Variants in TRPC4 observed in about 807,000 individuals in gnomAD.
TRPC4 encodes the protein short transient receptor potential channel 4.
A neutral mutation model predicts 99.4 loss-of-function variants in TRPC4; 49 were observed. The ratio of observed to expected loss-of-function variants is 0.49; its 90% CI spans 0.39 to 0.63. TRPC4 has a LOEUF of 0.63. Among genes scored for constraint, TRPC4 ranks in the 20% least tolerant of loss-of-function variants. The pLI is 0.00. For missense variants in TRPC4, 898 were observed against 1,152.9 expected (o/e 0.78, Z 3.20); for synonymous variants, 454 against 425.9 (o/e 1.07, Z -0.81).
chr13:37,812,256 T>A (rs1957721835), intron 1 of TRPC4, among the ~76,000 whole-genome samples: 1 of 149,812 alleles, frequency 6.7e-6, no homozygotes, highest in African/African-American at 2.5e-5. Context: ...TCAAGATTAT[T>A]TATAAAAATG....
rs375499267 is a variant in TRPC4, at chr13:37,692,288, G to A, written c.945C>T (p.Tyr315=). The A allele has an allele frequency of 1.2e-5, 20 of 1,613,956 alleles. No homozygotes were observed. The highest frequency in any genetic ancestry group is 5.5e-5 in the South Asian group (5 of 91,074). The change falls in exon 4 of 11, where the codon TAC becomes TAT. Residue 315 remains tyrosine (Y), a synonymous_variant. Transcript: ENST00000379705. ...NCQQLLASRW[Y]DEFPGWRRRH... is the part of the protein sequence containing the mutation. ...TTCTCCTCCAGCCTGGAAACTCATC[G>A]TACCAGCGAGATGCCAGCAGCTGTT...
intron 5 of TRPC4, among the ~76,000 whole-genome samples, chr13:37,668,810 C>T (rs1033652456): frequency 1.3e-5 from 2 of 152,096 alleles, no homozygotes; most frequent in Non-Finnish European, 2.9e-5. Context: ...TTAATGTGTG[C>T]TTTACATGGT....
At chr13:37,797,632 T>C (rs757112678) in intron 1 of TRPC4, among the ~76,000 whole-genome samples, 2 of 152,188 alleles carry the variant, frequency 1.3e-5, no homozygotes, top group Non-Finnish European at 2.9e-5. Flanking sequence ...AGTTTATTTC[T>C]ACACTGAACT....
At position 37,818,235 on chromosome 13, in the gene TRPC4, T is replaced by C. The variant is rs928406903; in HGVS notation, c.-27-34875A>G. 3.3e-5 allele frequency among the ~76,000 whole-genome samples: 5 copies of C among 151,680 alleles called. No homozygotes were observed. In the South Asian group the frequency reaches 6.2e-4, roughly 19 times the overall value. ...AACAGGCACTTTAAAAAAATGCAAA[T>C]CAAAATTACAATGAGATACCATCTC... On this transcript the variant is annotated intron_variant, in intron 1 of 10. Transcript: ENST00000379705.
chr13:37,687,410 A>T (rs879754128), intron 4 of TRPC4, among the ~76,000 whole-genome samples: 10 of 152,194 alleles, frequency 6.6e-5, no homozygotes, highest in Admixed American at 4.6e-4. Context: ...GTTTGTTACA[A>T]TCGGAGTTAG....
chr13:37,714,203 T>C (rs1363468367), intron 3 of TRPC4, among the ~76,000 whole-genome samples: 1 of 152,090 alleles, frequency 6.6e-6, no homozygotes, highest in Non-Finnish European at 1.5e-5. Flanking sequence ...CTTGGCTCAC[T>C]GCAACCTCTG....
At chr13:37,689,176 C>T (rs979535783) in intron 4 of TRPC4, among the ~76,000 whole-genome samples, 3 of 152,134 alleles carry the variant, frequency 2.0e-5, no homozygotes, top group African/African-American at 7.2e-5. Flanking sequence ...TACAGGGGGA[C>T]TTTAGATGTC....
At chr13:37,790,308 C>G (rs1957083505) in intron 1 of TRPC4, among the ~76,000 whole-genome samples, 1 of 152,024 alleles carries the variant, frequency 6.6e-6, no homozygotes, top group African/African-American at 2.4e-5. Flanking sequence ...CAGTGTCACA[C>G]TGGACATGTA....
chr13:37,744,301 G>C (rs1359972345), intron 3 of TRPC4, among the ~76,000 whole-genome samples: 3 of 152,004 alleles, frequency 2.0e-5, no homozygotes, highest in Non-Finnish European at 4.4e-5. Flanking sequence ...TTACCACTTT[G>C]AACATCTTTC....
chr13:37,864,154 A>G (rs1182264271), intron 1 of TRPC4, among the ~76,000 whole-genome samples: 1 of 151,630 alleles, frequency 6.6e-6, no homozygotes, highest in Non-Finnish European at 1.5e-5. Context: ...TTTGAAATGC[A>G]CTCTCAACTT....
chr13:37,827,530 G>C (rs371482424), intron 1 of TRPC4, among the ~76,000 whole-genome samples: 2,794 of 151,256 alleles, frequency 0.018, 44 homozygotes, highest in South Asian at 0.052. Flanking sequence ...AGTACCCTGC[G>C]GTGTGAGGTG....
chr13:37,834,585 C>T (rs1958510434), intron 1 of TRPC4, among the ~76,000 whole-genome samples: 1 of 152,108 alleles, frequency 6.6e-6, no homozygotes, highest in African/African-American at 2.4e-5. Flanking sequence ...TATGTTCTTG[C>T]CATACTTATT....
intron 1 of TRPC4, among the ~76,000 whole-genome samples, chr13:37,858,857 T>G (rs1959196480): frequency 6.6e-6 from 1 of 151,212 alleles, no homozygotes; most frequent in African/African-American, 2.4e-5. Flanking sequence ...ATGAATAATA[T>G]GTAGTATTTG....
At chr13:37,693,065 T>G (rs1174967118) in intron 3 of TRPC4, among the ~76,000 whole-genome samples, 2 of 32,730 alleles carry the variant, frequency 6.1e-5, no homozygotes, top group African/African-American at 2.2e-4. Context: ...TGGACACTAC[T>G]TACTGTATGT....
chr13:37,721,623 T>C (rs570688756), intron 3 of TRPC4, among the ~76,000 whole-genome samples: 2 of 152,322 alleles, frequency 1.3e-5, no homozygotes, highest in Non-Finnish European at 2.9e-5. Context: ...AAAGTGAAAC[T>C]AAATGTTCGA....
At chr13:37,709,526 C>T (rs989652025) in intron 3 of TRPC4, among the ~76,000 whole-genome samples, 27 of 151,924 alleles carry the variant, frequency 1.8e-4, no homozygotes, top group Admixed American at 2.6e-4. Flanking sequence ...TCTTTCATTA[C>T]TCACCTTTCC....
At chr13:37,826,217 C>T in intron 1 of TRPC4, among the ~76,000 whole-genome samples, 1 of 96,498 alleles carries the variant, frequency 1.0e-5, no homozygotes, top group Non-Finnish European at 2.0e-5. Flanking sequence ...TGGGTCTTGA[C>T]TCTTTATCCA....
intron 3 of TRPC4, among the ~76,000 whole-genome samples, chr13:37,714,299 G>C (rs577428507): frequency 6.6e-6 from 1 of 151,908 alleles, no homozygotes; most frequent in East Asian, 1.9e-4. Flanking sequence ...GCTAATTTTT[G>C]TATTTTCAGT....
intron 3 of TRPC4, among the ~76,000 whole-genome samples, chr13:37,702,892 A>G (rs1179219526): frequency 1.3e-5 from 2 of 152,290 alleles, no homozygotes; most frequent in East Asian, 1.9e-4. Flanking sequence ...AAAACATTAC[A>G]TTGCTTAGAC....
Sources: gnomAD v4.1 joint callset for allele counts (sites outside exome capture counted in the v4.1 genomes callset) on GRCh38, gnomAD v4.1.1 for gene constraint, MANE v1.5 for transcripts, NCBI Gene and HGNC (gene_info 2026-07-23, HGNC 2026-07-21) for gene names.